The following EXOC6 variants were observed in gnomAD, a reference collection of about 807,000 sequenced individuals.
EXOC6 encodes exocyst complex component 6, also known as SEC15-like 1.
A neutral mutation model predicts 112.5 loss-of-function variants in EXOC6; 60 were observed. The ratio of observed to expected loss-of-function variants is 0.53; its 90% confidence interval spans 0.43 to 0.66. The LOEUF (loss-of-function observed/expected upper bound fraction) is 0.66, where lower values mean the gene tolerates loss of function less well. EXOC6 is among the 30% of genes least tolerant of loss of function. The probability of loss-of-function intolerance (pLI) is 0.00; values close to 1 mark genes in which losing one functional copy is unlikely to be tolerated. For missense variants in EXOC6, 855 were observed against 957.1 expected, an observed-to-expected ratio of 0.89 and a Z score of 1.41; for synonymous variants, 295 against 308.0, an observed-to-expected ratio of 0.96 and a Z score of 0.44.
At chr10:92,868,945 C>T (rs1848313658) in intron 1 of EXOC6, among the ~76,000 whole-genome samples, 1 of 151,482 alleles carries the variant, frequency 6.6e-6, no homozygotes, top group South Asian at 2.1e-4. Context: ...CTTCCGAGTA[C>T]CTGGGACTAA....
chr10:93,048,915 A>T (rs1199413257), intron 20 of EXOC6, among the ~76,000 whole-genome samples: 1 of 152,196 alleles, frequency 6.6e-6, no homozygotes, highest in African/African-American at 2.4e-5. Context: ...CAACTACATA[A>T]GGTGCTAATG....
At chr10:93,009,348 A>G (rs1057220997) in intron 19 of EXOC6, among the ~76,000 whole-genome samples, 8 of 152,246 alleles carry the variant, frequency 5.3e-5, no homozygotes, top group Non-Finnish European at 1.2e-4. Context: ...CCAATACTGG[A>G]TGACATTCCT....
intron 18 of EXOC6, among the ~76,000 whole-genome samples, chr10:92,979,303 G>A (rs1439480829): frequency 6.6e-6 from 1 of 152,148 alleles, no homozygotes; most frequent in Non-Finnish European, 1.5e-5. Flanking sequence ...GGGACTACAG[G>A]TGCAGGCCAC....
At chr10:92,967,316 T>C (rs1015614355) in intron 17 of EXOC6, among the ~76,000 whole-genome samples, 5 of 152,124 alleles carry the variant, frequency 3.3e-5, no homozygotes, top group African/African-American at 4.8e-5. Context: ...TTTGTCATCA[T>C]TTAAAATTTT....
chr10:92,976,678 T>TA (rs59201153), intron 18 of EXOC6, among the ~76,000 whole-genome samples: 16,932 of 140,914 alleles, frequency 0.12, 994 homozygotes, highest in Admixed American at 0.17. Flanking sequence ...AATAATAAAT[T>TA]AAAAAAAAAA....
upstream of EXOC6, among the ~76,000 whole-genome samples, chr10:92,833,045 T>C (rs1846541647): frequency 6.6e-6 from 1 of 152,210 alleles, no homozygotes; most frequent in South Asian, 2.1e-4. Flanking sequence ...GTGAGCCATA[T>C]TGGTGCTGCA....
intron 5 of EXOC6, among the ~76,000 whole-genome samples, chr10:92,902,607 G>GTACTAAATA (rs1184864439): frequency 6.6e-6 from 1 of 151,418 alleles, no homozygotes; most frequent in African/African-American, 2.4e-5. Context: ...TTTTGTTTAT[G>GTACTAAATA]TTATACTAAA....
At chr10:92,935,234 C>T (rs1488666584) in intron 11 of EXOC6, among the ~76,000 whole-genome samples, 2 of 151,792 alleles carry the variant, frequency 1.3e-5, no homozygotes, top group South Asian at 2.1e-4. Flanking sequence ...AAGAACAATA[C>T]ATTTTATCAT....
chr10:93,012,419 T>C (rs77607290), intron 19 of EXOC6, among the ~76,000 whole-genome samples: 4,700 of 152,300 alleles, frequency 0.031, 251 homozygotes, highest in African/African-American at 0.11. Flanking sequence ...AATTTTACTT[T>C]ATAGAACAAA....
At chr10:92,997,010 T>C (rs924679520) in intron 18 of EXOC6, among the ~76,000 whole-genome samples, 1 of 152,194 alleles carries the variant, frequency 6.6e-6, no homozygotes, top group East Asian at 1.9e-4. Context: ...TTAGCTGTAA[T>C]TTAAATAGCA....
At chr10:92,952,011 T>C (rs1262171380) in intron 14 of EXOC6, among the ~76,000 whole-genome samples, 1 of 152,182 alleles carries the variant, frequency 6.6e-6, no homozygotes, top group Non-Finnish European at 1.5e-5. Context: ...ATACTCATCA[T>C]CAGAATACAC....
At chr10:92,896,087 A>ATATATGTGTG (rs1768169090) in intron 4 of EXOC6, among the ~76,000 whole-genome samples, 1 of 83,238 alleles carries the variant, frequency 1.2e-5, no homozygotes, top group Non-Finnish European at 2.2e-5. Context: ...ATATGTGTAT[A>ATATATGTGTG]TATATATGTG....
At chr10:92,848,692 C>T in intron 1 of EXOC6, 58 bp downstream of exon 1, 1 of 1,241,122 alleles carries the variant, frequency 8.1e-7, no homozygotes, top group Non-Finnish European at 1.0e-6. Flanking sequence ...CCGCTCCTCA[C>T]GAGCCGGGCG....
upstream of EXOC6, among the ~76,000 whole-genome samples, chr10:92,844,341 C>A (rs1264316338): frequency 6.6e-6 from 1 of 152,112 alleles, no homozygotes; most frequent in Non-Finnish European, 1.5e-5. Context: ...GAAATGGAGA[C>A]AGACTCAGTG....
chr10:93,030,030 C>G (rs993417884), intron 20 of EXOC6, among the ~76,000 whole-genome samples: 1 of 151,936 alleles, frequency 6.6e-6, no homozygotes, highest in Admixed American at 6.6e-5. Flanking sequence ...TGCCTCAGCC[C>G]CCTGAGTAGC....
chr10:92,874,163 C>T (rs1848583825), intron 1 of EXOC6, among the ~76,000 whole-genome samples: 2 of 152,032 alleles, frequency 1.3e-5, no homozygotes, highest in Admixed American at 6.6e-5. Context: ...TAGCTACAGG[C>T]TATAGCATTG....
intron 18 of EXOC6, among the ~76,000 whole-genome samples, chr10:92,994,992 CTT>C (rs767786409): frequency 2.0e-5 from 3 of 151,892 alleles, no homozygotes; most frequent in East Asian, 1.9e-4. Flanking sequence ...TGGAATATAA[CTT>C]TTAAAAATTT....
intron 20 of EXOC6, among the ~76,000 whole-genome samples, chr10:93,027,311 G>A (rs977528808): frequency 2.0e-5 from 3 of 152,238 alleles, no homozygotes; most frequent in African/African-American, 4.8e-5. Flanking sequence ...TAACATAAAC[G>A]TGCAAGATGA....
intron 19 of EXOC6, among the ~76,000 whole-genome samples, chr10:93,004,159 C>G (rs1047755275): frequency 1.3e-5 from 2 of 152,012 alleles, no homozygotes; most frequent in Admixed American, 6.6e-5. Context: ...GTATGGATTC[C>G]AGGCATTTTG....
Sources: gnomAD v4.1 joint callset for allele counts (sites outside exome capture counted in the v4.1 genomes callset) on GRCh38, gnomAD v4.1.1 for gene constraint, MANE v1.5 for transcripts, NCBI Gene and HGNC (gene_info 2026-07-23, HGNC 2026-07-21) for gene names.